The following ZFPM2 variants were observed in gnomAD, a reference collection of about 807,000 sequenced individuals.
The protein encoded by ZFPM2 is zinc finger protein ZFPM2.
A neutral mutation model predicts 98.6 loss-of-function variants in ZFPM2; 20 were observed. The observed-to-expected ratio is 0.20, with a 90% CI of 0.14 to 0.29. The LOEUF (loss-of-function observed/expected upper bound fraction) is 0.29, where lower values mean the gene tolerates loss of function less well. Among genes scored for constraint, ZFPM2 ranks in the 10% least tolerant of loss-of-function variants. The probability of loss-of-function intolerance (pLI) is 1.00; values close to 1 mark genes in which losing one functional copy is unlikely to be tolerated. For missense variants in ZFPM2, 1,310 were observed against 1,388.6 expected, an observed-to-expected ratio of 0.94 and a Z score of 0.90; for synonymous variants, 518 against 502.7, an observed-to-expected ratio of 1.03 and a Z score of -0.41.
chr8:105,321,630 C>T (rs1157892875), intron 1 of ZFPM2, among the ~76,000 whole-genome samples: 2 of 151,992 alleles, frequency 1.3e-5, no homozygotes, highest in Non-Finnish European at 2.9e-5. Flanking sequence ...ATACAGTTCC[C>T]TGCTATCTAA....
At chr8:105,421,866 G>A (rs1811799938) in intron 2 of ZFPM2, among the ~76,000 whole-genome samples, 1 of 150,590 alleles carries the variant, frequency 6.6e-6, no homozygotes, top group Admixed American at 6.6e-5. Flanking sequence ...GGCCAACACG[G>A]CGAAACCCTG....
At chr8:105,620,305 T>G (rs1292259252) in intron 4 of ZFPM2, among the ~76,000 whole-genome samples, 1 of 152,212 alleles carries the variant, frequency 6.6e-6, no homozygotes, top group Non-Finnish European at 1.5e-5. Context: ...TTTTTTCATG[T>G]GTCTGTTGGC....
intron 7 of ZFPM2, among the ~76,000 whole-genome samples, chr8:105,800,391 C>T (rs1437063871): frequency 6.7e-6 from 1 of 150,102 alleles, no homozygotes. Context: ...GCATGGATGC[C>T]AATGCAAAAT....
chr8:105,337,229 G>A (rs1474087877), intron 1 of ZFPM2, among the ~76,000 whole-genome samples: 1 of 151,878 alleles, frequency 6.6e-6, no homozygotes, highest in East Asian at 1.9e-4. Context: ...CACCATGTTA[G>A]CAAGTCAGAG....
chr8:105,739,678 C>T lies in ZFPM2; in HGVS notation c.533-49040C>T, dbSNP rs565929312. On this transcript the variant is annotated intron_variant, in intron 5 of 7. Transcript: ENST00000407775. ...TGCTTGTTGATTCCTTTCATTGCTC[C>T]TATATAAACATTAAAGGCACTTCGC... is the stretch of plus-strand genomic sequence containing the variant. Among the ~76,000 whole-genome samples the T allele has an allele frequency of 4.6e-5, 7 of 151,728 alleles. No homozygotes were observed. In the South Asian group the frequency reaches 1.2e-3, roughly 27 times the overall value.
chr8:105,702,168 T>A (rs528725957), intron 5 of ZFPM2, among the ~76,000 whole-genome samples: 72 of 152,360 alleles, frequency 4.7e-4, no homozygotes, highest in South Asian at 1.4e-3. Context: ...TTGTCTTTGC[T>A]TTGTTTTCTT....
intron 5 of ZFPM2, among the ~76,000 whole-genome samples, chr8:105,690,136 G>T (rs1462779548): frequency 1.3e-5 from 2 of 152,172 alleles, no homozygotes; most frequent in East Asian, 3.9e-4. Context: ...CAATTAGGAT[G>T]CCAGGGAGAG....
intron 5 of ZFPM2, among the ~76,000 whole-genome samples, chr8:105,697,662 A>G (rs1811050653): frequency 1.3e-5 from 2 of 152,158 alleles, no homozygotes; most frequent in Non-Finnish European, 2.9e-5. Flanking sequence ...ACGGAATCCT[A>G]AAGTATGCAC....
At chr8:105,593,391 T>C (rs185758222) in intron 4 of ZFPM2, among the ~76,000 whole-genome samples, 6 of 151,832 alleles carry the variant, frequency 4.0e-5, no homozygotes, top group Admixed American at 6.6e-5. Flanking sequence ...AGAAATAGAA[T>C]TCTGAAAAAA....
At chr8:105,628,303 A>G (rs1373895708) in intron 4 of ZFPM2, among the ~76,000 whole-genome samples, 3 of 152,154 alleles carry the variant, frequency 2.0e-5, no homozygotes, top group Non-Finnish European at 2.9e-5. Flanking sequence ...TCAGGATATG[A>G]TGTATCTGAT....
intron 5 of ZFPM2, among the ~76,000 whole-genome samples, chr8:105,673,822 C>A (rs1364239376): frequency 6.6e-6 from 1 of 152,080 alleles, no homozygotes; most frequent in Non-Finnish European, 1.5e-5. Flanking sequence ...ACTGTTGTGT[C>A]AGGGAATTAA....
chr8:105,476,743 GT>G (rs559258838), intron 3 of ZFPM2, among the ~76,000 whole-genome samples: 1 of 148,690 alleles, frequency 6.7e-6, no homozygotes, highest in East Asian at 2.0e-4. Context: ...TTAACCTATT[GT>G]TTTTTTTGCA....
At chr8:105,451,735 T>G (rs1367585041) in intron 3 of ZFPM2, 3 of 152,194 alleles carry the variant, frequency 2.0e-5, no homozygotes, top group Non-Finnish European at 4.4e-5. Context: ...GATCTTGGAC[T>G]TTTAACCTCC....
chr8:105,496,176 A>G (rs564217091), intron 3 of ZFPM2, among the ~76,000 whole-genome samples: 56 of 151,888 alleles, frequency 3.7e-4, no homozygotes, highest in Non-Finnish European at 7.8e-4. Context: ...ATTTATTTAT[A>G]TATTTATTTT....
intron 5 of ZFPM2, among the ~76,000 whole-genome samples, chr8:105,758,458 A>G (rs1221387242): frequency 1.3e-5 from 2 of 152,118 alleles, no homozygotes; most frequent in Admixed American, 6.6e-5. Context: ...AGTTAATCCA[A>G]ATTTAATTAG....
chr8:105,682,019 A>C (rs1235284744), intron 5 of ZFPM2, among the ~76,000 whole-genome samples: 1 of 152,186 alleles, frequency 6.6e-6, no homozygotes, highest in Admixed American at 6.5e-5. Flanking sequence ...TAAATAAATG[A>C]CTAAGTGAAT....
chr8:105,535,298 C>T (rs1586444376), intron 3 of ZFPM2, among the ~76,000 whole-genome samples: 1 of 152,246 alleles, frequency 6.6e-6, no homozygotes, highest in South Asian at 2.1e-4. Context: ...GTTATTAAAG[C>T]ATGCTACTAG....
At chr8:105,438,718 C>T (rs1408646473) in intron 2 of ZFPM2, among the ~76,000 whole-genome samples, 1 of 152,118 alleles carries the variant, frequency 6.6e-6, no homozygotes, top group Admixed American at 6.5e-5. Flanking sequence ...TTCATAGGAA[C>T]TTAGTCAATA....
intron 5 of ZFPM2, among the ~76,000 whole-genome samples, chr8:105,756,357 T>A (rs752933673): frequency 6.6e-6 from 1 of 152,220 alleles, no homozygotes; most frequent in Non-Finnish European, 1.5e-5. Flanking sequence ...AAATTGCTTG[T>A]ACATTACACA....
Sources: gnomAD v4.1 joint callset for allele counts (sites outside exome capture counted in the v4.1 genomes callset) on GRCh38, gnomAD v4.1.1 for gene constraint, MANE v1.5 for transcripts, NCBI Gene and HGNC (gene_info 2026-07-23, HGNC 2026-07-21) for gene names.